The following DOCK9 variants were observed in gnomAD, a reference collection of about 807,000 sequenced individuals.
DOCK9 encodes the protein dedicator of cytokinesis 9.
DOCK9 carries 89 observed loss-of-function variants against 263.3 expected under a neutral mutation model. That is an observed-to-expected ratio of 0.34 (90% confidence interval 0.28 to 0.40). The LOEUF is 0.40. Among genes scored for constraint, DOCK9 ranks in the 10% least tolerant of loss-of-function variants. The probability of loss-of-function intolerance (pLI) is 1.00; values close to 1 mark genes in which losing one functional copy is unlikely to be tolerated. For synonymous variants in DOCK9, 976 were observed against 973.1 expected, an observed-to-expected ratio of 1.00 and a Z score of -0.06; for missense variants, 2,140 against 2,603.4, an observed-to-expected ratio of 0.82 and a Z score of 3.87.
chr13:99,024,206 G>T (rs191138179), intron 1 of DOCK9, among the ~76,000 whole-genome samples: 1 of 152,272 alleles, frequency 6.6e-6, no homozygotes, highest in East Asian at 1.9e-4. Flanking sequence ...ACATCTGCAA[G>T]GGCTGATGGC....
intron 32 of DOCK9, 145 bp from the exon 33 acceptor site, chr13:98,860,667 C>G: frequency 3.1e-5 from 8 of 259,762 alleles, no homozygotes; most frequent in Non-Finnish European, 4.7e-5. Flanking sequence ...AGCCTTGAGG[C>G]GTGGGTGAGG....
At chr13:98,843,528 T>C (rs985363162) in intron 38 of DOCK9, among the ~76,000 whole-genome samples, 4 of 152,176 alleles carry the variant, frequency 2.6e-5, no homozygotes, top group African/African-American at 9.7e-5. Flanking sequence ...GGCTGAGTTC[T>C]AGGAGTTGCA....
At chr13:98,842,992 G>T (rs753131986) in intron 38 of DOCK9, among the ~76,000 whole-genome samples, 10 of 152,190 alleles carry the variant, frequency 6.6e-5, no homozygotes, top group Non-Finnish European at 1.2e-4. Context: ...TGCGTGTGGT[G>T]CCTTCTTCCA....
At chr13:99,007,369 G>A (rs945890583) in intron 1 of DOCK9, among the ~76,000 whole-genome samples, 3 of 151,512 alleles carry the variant, frequency 2.0e-5, no homozygotes, top group Non-Finnish European at 2.9e-5. Flanking sequence ...GCCTGGTGAC[G>A]GAAGAAGACT....
chr13:98,861,764 T>C (rs1220933373), intron 32 of DOCK9, among the ~76,000 whole-genome samples: 3 of 152,194 alleles, frequency 2.0e-5, no homozygotes, highest in Non-Finnish European at 4.4e-5. Context: ...TTGAGATAAT[T>C]TCTGGGGTCA....
At chr13:98,818,849 G>T (rs756021817) in intron 45 of DOCK9, among the ~76,000 whole-genome samples, 13 of 152,142 alleles carry the variant, frequency 8.5e-5, no homozygotes, top group Non-Finnish European at 1.3e-4. Flanking sequence ...GTGTGTGTGT[G>T]TGCGCACACA....
At chr13:98,942,873 A>G (rs1206249600) in intron 2 of DOCK9, among the ~76,000 whole-genome samples, 1 of 152,040 alleles carries the variant, frequency 6.6e-6, no homozygotes. Flanking sequence ...GTGTACCTAC[A>G]CATATCTACA....
At chr13:98,952,079 G>C (rs1418137846) in intron 2 of DOCK9, among the ~76,000 whole-genome samples, 5 of 151,638 alleles carry the variant, frequency 3.3e-5, no homozygotes, top group African/African-American at 1.2e-4. Context: ...TGTATTTTTA[G>C]TAGAGACGGG....
At chr13:98,795,634 T>C (rs2089280102) in intron 52 of DOCK9, among the ~76,000 whole-genome samples, 1 of 152,220 alleles carries the variant, frequency 6.6e-6, no homozygotes, top group Non-Finnish European at 1.5e-5. Flanking sequence ...AAACTCTCCA[T>C]TCTATAGGAA....
chr13:98,997,861 G>C (rs142024440), intron 1 of DOCK9, among the ~76,000 whole-genome samples: 2 of 152,230 alleles, frequency 1.3e-5, no homozygotes, highest in African/African-American at 4.8e-5. Flanking sequence ...CGTAGCTAAC[G>C]AGAGGTCTGT....
At chr13:99,060,124 A>C (rs559277377) in intron 1 of DOCK9, among the ~76,000 whole-genome samples, 12 of 119,164 alleles carry the variant, frequency 1.0e-4, no homozygotes, top group Non-Finnish European at 1.9e-4. Context: ...CCCAGGCTGG[A>C]CTGCAGTGGC....
chr13:98,991,289 C>A (rs1325263759), intron 1 of DOCK9, among the ~76,000 whole-genome samples: 1 of 152,144 alleles, frequency 6.6e-6, no homozygotes, highest in African/African-American at 2.4e-5. Context: ...CCAGGCTGGT[C>A]TTGAACTCCT....
chr13:99,062,417 T>G (rs2041231637), intron 1 of DOCK9, among the ~76,000 whole-genome samples: 1 of 152,208 alleles, frequency 6.6e-6, no homozygotes, highest in African/African-American at 2.4e-5. Context: ...TTTTTCTAAT[T>G]TGTCATGTGT....
At chr13:98,900,379 T>C (rs2048092490) in intron 13 of DOCK9, among the ~76,000 whole-genome samples, 2 of 152,168 alleles carry the variant, frequency 1.3e-5, no homozygotes, top group South Asian at 2.1e-4. Flanking sequence ...GATCTTATAT[T>C]GGGCCTTCAT....
At chr13:98,885,568 C>A in intron 20 of DOCK9, 140 bp downstream of exon 20, 2 of 925,058 alleles carry the variant, frequency 2.2e-6, no homozygotes, top group Non-Finnish European at 3.1e-6. Flanking sequence ...ATATGCAACC[C>A]AGACATGCTA....
At chr13:99,046,100 C>CAAA (rs35917523) in intron 1 of DOCK9, among the ~76,000 whole-genome samples, 4 of 112,074 alleles carry the variant, frequency 3.6e-5, no homozygotes, top group Non-Finnish European at 3.8e-5. Flanking sequence ...GACTCAGTCT[C>CAAA]AAAAAAAAAA....
chr13:99,015,242 T>C (rs990138917), intron 1 of DOCK9, among the ~76,000 whole-genome samples: 2 of 152,238 alleles, frequency 1.3e-5, no homozygotes, highest in African/African-American at 2.4e-5. Context: ...TTTCTCTGTA[T>C]GTATTTAGCT....
rs1595797848 is a variant in DOCK9 at position 98,977,969 on chromosome 13, G to A, written c.-60C>T. 14 of 1,523,946 alleles carry A rather than the reference G, an allele frequency of 9.2e-6. No homozygotes were observed. Among genetic ancestry groups the A allele is most frequent in the Admixed American group, 8.1e-5 (4 of 49,334 alleles). The allele number at this position is 1,523,946 out of a possible 1,614,324, so 94.4% of individuals were successfully genotyped here. ...CTGGAACAGCTGCGAGTCCCTGGCC[G>A]TGCAAGGCACAGGCATGCCAGTGGT... On this transcript the variant is annotated 5_prime_UTR_variant, in exon 1 of 53. It adds an upstream start codon to the 5' untranslated region. Coordinates refer to ENST00000682017, the MANE Select transcript of DOCK9 (RefSeq NM_001366683.2).
intron 6 of DOCK9, 133 bp downstream of exon 6, chr13:98,921,918 G>A: frequency 1.3e-6 from 1 of 778,504 alleles, no homozygotes; most frequent in Non-Finnish European, 2.1e-6. Context: ...ATCACCAGGG[G>A]AGCATCCTAG....
Sources: allele counts gnomAD v4.1 joint callset (sites outside exome capture counted in the v4.1 genomes callset), GRCh38; gene constraint gnomAD v4.1.1; transcripts MANE v1.5; gene names NCBI Gene and HGNC (gene_info 2026-07-23, HGNC 2026-07-21).